UBAC2: variants seen among roughly 807,000 people sequenced by gnomAD.
UBAC2 encodes the protein UBA domain containing 2, also known as ubiquitin-associated domain-containing protein 2.
UBAC2 carries 26 observed loss-of-function variants against 44.0 expected under a neutral mutation model. The observed-to-expected ratio is 0.59, with a 90% confidence interval of 0.43 to 0.82. The LOEUF is 0.82. Among genes scored for constraint, UBAC2 ranks in the 40% least tolerant of loss-of-function variants. The pLI is 0.00. For missense variants in UBAC2, 329 were observed against 419.4 expected, an observed-to-expected ratio of 0.78 and a Z score of 1.88; for synonymous variants, 155 against 154.3, an observed-to-expected ratio of 1.00 and a Z score of -0.04.
intron 6 of UBAC2, among the ~76,000 whole-genome samples, chr13:99,323,349 C>G (rs909904669): frequency 6.6e-6 from 1 of 152,124 alleles, no homozygotes; most frequent in Non-Finnish European, 1.5e-5. Context: ...GCCTGGAATC[C>G]CAGCACTTTG....
intron 4 of UBAC2, among the ~76,000 whole-genome samples, chr13:99,247,223 TG>T (rs199582904): frequency 1.3e-5 from 2 of 151,590 alleles, no homozygotes; most frequent in African/African-American, 2.4e-5. Context: ...TGTTTTGTTT[TG>T]TTTTTCTTGA....
intron 8 of UBAC2, among the ~76,000 whole-genome samples, chr13:99,379,358 G>C (rs982157292): frequency 2.0e-5 from 3 of 152,228 alleles, no homozygotes; most frequent in Admixed American, 2.0e-4. Context: ...TCTGGCATCA[G>C]ATTTTTGTCA....
At chr13:99,215,419 TG>T in intron 1 of UBAC2, 1 of 1,304,978 alleles carries the variant, frequency 7.7e-7, no homozygotes, top group South Asian at 1.2e-5. Flanking sequence ...GATTTGTGGA[TG>T]TGTGGAATGA....
At chr13:99,382,636 G>C (rs1344710987) in intron 8 of UBAC2, among the ~76,000 whole-genome samples, 2 of 152,192 alleles carry the variant, frequency 1.3e-5, no homozygotes, top group Non-Finnish European at 2.9e-5. Flanking sequence ...CTGAAACACA[G>C]GAATGAGCAA....
chr13:99,248,382 C>T (rs953755589), intron 4 of UBAC2, among the ~76,000 whole-genome samples: 1 of 148,748 alleles, frequency 6.7e-6, no homozygotes, highest in Non-Finnish European at 1.5e-5. Context: ...CCACCATGCC[C>T]ACCTAATTTT....
chr13:99,370,578 C>T (rs991900792), intron 8 of UBAC2, among the ~76,000 whole-genome samples: 6 of 152,224 alleles, frequency 3.9e-5, no homozygotes, highest in African/African-American at 1.4e-4. Flanking sequence ...ATTCCCTGTC[C>T]CCAGAGTGAA....
chr13:99,305,103 A>G (rs1443555766), intron 4 of UBAC2, among the ~76,000 whole-genome samples: 1 of 152,260 alleles, frequency 6.6e-6, no homozygotes, highest in Non-Finnish European at 1.5e-5. Flanking sequence ...TAATAAAACA[A>G]TTTAGACTGA....
chr13:99,284,973 G>T (rs2043999520), intron 4 of UBAC2, among the ~76,000 whole-genome samples: 1 of 152,118 alleles, frequency 6.6e-6, no homozygotes, highest in Non-Finnish European at 1.5e-5. Context: ...CTATTACCCA[G>T]ATTCAGTAAT....
At chr13:99,206,701 C>T (rs372481605) in intron 1 of UBAC2, among the ~76,000 whole-genome samples, 1 of 152,208 alleles carries the variant, frequency 6.6e-6, no homozygotes, top group South Asian at 2.1e-4. Context: ...GGGCCCTTGG[C>T]ACCGTTTCTC....
intron 4 of UBAC2, among the ~76,000 whole-genome samples, chr13:99,248,180 C>T (rs753919018): frequency 6.6e-6 from 1 of 151,978 alleles, no homozygotes. Context: ...ATTTCCAACC[C>T]ACACTACTCT....
intron 7 of UBAC2, among the ~76,000 whole-genome samples, chr13:99,361,598 C>G (rs561071569): frequency 7.2e-5 from 11 of 152,234 alleles, no homozygotes; most frequent in African/African-American, 2.4e-4. Context: ...ATCAGGGTTT[C>G]TCAACCTAAA....
chr13:99,317,048 T>G (rs967812259), intron 5 of UBAC2, among the ~76,000 whole-genome samples: 1 of 152,248 alleles, frequency 6.6e-6, no homozygotes, highest in Non-Finnish European at 1.5e-5. Flanking sequence ...AGATTTAAAG[T>G]TGCAGCCTGT....
rs1555321112 is a variant in UBAC2, at chr13:99,232,399, G to GATATATATATATATATATATAT, written c.32-6023_32-6022insTATATATATATATATATATATA. Among the ~76,000 whole-genome samples, 237 of 109,902 alleles carry GATATATATATATATATATATAT rather than the reference G, an allele frequency of 2.2e-3. 14 individuals carry two copies. Among genetic ancestry groups the GATATATATATATATATATATAT allele is most frequent in the Non-Finnish European group, 3.9e-3 (185 of 47,212 alleles). 72.1% of individuals were successfully genotyped at this position (109,902 alleles called of 152,430 possible). On this transcript the variant is annotated intron_variant, in intron 1 of 8. Coordinates refer to ENST00000403766, the MANE Select transcript of UBAC2 (RefSeq NM_001144072.2). ...AGACCCTGTCCATCCTTAGTTGAGA[G>GATATATATATATATATATATAT]ATATAGATATATATATATATATTCA...
chr13:99,270,821 G>T (rs553148521), intron 4 of UBAC2, among the ~76,000 whole-genome samples: 2 of 152,282 alleles, frequency 1.3e-5, no homozygotes, highest in East Asian at 1.9e-4. Flanking sequence ...CATGTTTTAG[G>T]AGAAGAAAGA....
intron 4 of UBAC2, among the ~76,000 whole-genome samples, chr13:99,252,816 CTG>C (rs1247222659): frequency 6.6e-6 from 1 of 152,006 alleles, no homozygotes; most frequent in Non-Finnish European, 1.5e-5. Flanking sequence ...TACAGTTTTA[CTG>C]TGAGAATCAC....
chr13:99,239,655 T>TC (rs1879542934), intron 2 of UBAC2, among the ~76,000 whole-genome samples: 1 of 152,224 alleles, frequency 6.6e-6, no homozygotes, highest in Admixed American at 6.5e-5. Flanking sequence ...TCTGTGGGCA[T>TC]CTGTGCTTTA....
chr13:99,332,421 C>T (rs17575643), intron 6 of UBAC2, among the ~76,000 whole-genome samples: 14,744 of 152,236 alleles, frequency 0.097, 804 homozygotes, highest in Admixed American at 0.16. Flanking sequence ...GTGTAATTGA[C>T]GTCCATGTTT....
chr13:99,351,006 GT>G (rs1381717817), intron 7 of UBAC2, among the ~76,000 whole-genome samples: 1 of 152,170 alleles, frequency 6.6e-6, no homozygotes, highest in Non-Finnish European at 1.5e-5. Flanking sequence ...AGAAAACAGT[GT>G]TGTTTTTCTT....
intron 4 of UBAC2, among the ~76,000 whole-genome samples, chr13:99,281,057 G>A (rs889045348): frequency 2.0e-5 from 3 of 151,970 alleles, no homozygotes; most frequent in African/African-American, 7.3e-5. Flanking sequence ...GTGTTGGCGG[G>A]CACCTGTAAT....
Sources: allele counts gnomAD v4.1 joint callset (sites outside exome capture counted in the v4.1 genomes callset), GRCh38; gene constraint gnomAD v4.1.1; transcripts MANE v1.5; gene names NCBI Gene and HGNC (gene_info 2026-07-23, HGNC 2026-07-21).